Variants in PLXNA1 observed in about 807,000 individuals in gnomAD.
PLXNA1 encodes the protein plexin A1, also known as plexin-A1.
Under a neutral mutation model 191.7 loss-of-function variants are expected in PLXNA1, and 77 were observed. The ratio of observed to expected loss-of-function variants is 0.40; its 90% CI spans 0.33 to 0.49. The LOEUF (loss-of-function observed/expected upper bound fraction) is 0.49, where lower values mean the gene tolerates loss of function less well. Ranked by LOEUF, PLXNA1 falls within the 20% of genes least tolerant of loss-of-function variation. The probability of loss-of-function intolerance (pLI) is 0.63; values close to 1 mark genes in which losing one functional copy is unlikely to be tolerated. For synonymous variants in PLXNA1, 1,137 were observed against 1,156.4 expected (o/e 0.98, Z 0.34); for missense variants, 2,110 against 2,660.2 (o/e 0.79, Z 4.55).
intron 3 of PLXNA1, among the ~76,000 whole-genome samples, chr3:126,993,030 G>T (rs1293377584): frequency 1.3e-5 from 2 of 152,172 alleles, no homozygotes; most frequent in East Asian, 3.9e-4. Flanking sequence ...TACCCAGCCA[G>T]TGACCAGGTT....
At chr3:127,017,947 C>T in intron 19 of PLXNA1, 55 bp downstream of exon 19, 1 of 1,596,664 alleles carries the variant, frequency 6.3e-7, no homozygotes, top group Admixed American at 1.7e-5. Context: ...CACCTGTGGA[C>T]CCTGCCCCAC....
At chr3:127,003,529 C>T (rs545149285) in intron 4 of PLXNA1, 59 bp downstream of exon 4, 3 of 1,532,728 alleles carry the variant, frequency 2.0e-6, no homozygotes, top group South Asian at 2.5e-5. Flanking sequence ...TACCAGGAAC[C>T]CCAGTCACAG....
At chr3:127,025,079 A>G (rs2079170503) in intron 23 of PLXNA1, among the ~76,000 whole-genome samples, 1 of 152,044 alleles carries the variant, frequency 6.6e-6, no homozygotes, top group South Asian at 2.1e-4. Flanking sequence ...CATCTTCACC[A>G]CCCAGTGCCC....
At chr3:126,997,225 A>G (rs934080510) in intron 3 of PLXNA1, among the ~76,000 whole-genome samples, 2 of 152,202 alleles carry the variant, frequency 1.3e-5, no homozygotes, top group African/African-American at 4.8e-5. Context: ...TGTTGTAAGC[A>G]TGGCTGTGTG....
chr3:126,983,529 C>G (rs1388815511), intron 1 of PLXNA1, among the ~76,000 whole-genome samples: 2 of 146,454 alleles, frequency 1.4e-5, no homozygotes, highest in East Asian at 3.9e-4. Context: ...TGTCCGGGCG[C>G]GGTCGCGGCG....
At chr3:127,013,022 G>C (rs1051029233) in intron 10 of PLXNA1, among the ~76,000 whole-genome samples, 2 of 152,204 alleles carry the variant, frequency 1.3e-5, no homozygotes, top group African/African-American at 4.8e-5. Context: ...GCCTTGATGG[G>C]GTCAGAGGTC....
At chr3:127,011,443 G>A (rs1168209873) in intron 9 of PLXNA1, among the ~76,000 whole-genome samples, 1 of 152,214 alleles carries the variant, frequency 6.6e-6, no homozygotes, top group Admixed American at 6.5e-5. Context: ...CCTGTTTTCA[G>A]CATCCCTATT....
chr3:127,017,767 C>A lies in PLXNA1; in HGVS notation c.3535C>A (p.Pro1179Thr). 6.2e-7 allele frequency: 1 copy of A among 1,613,204 alleles called. No individual in the cohort carries two copies. Among genetic ancestry groups the A allele is most frequent in the Non-Finnish European group, 8.5e-7 (1 of 1,180,008 alleles). The change falls in exon 19 of 32, where the codon CCT (proline) becomes ACT (threonine). Residue 1179 changes from proline (P) to threonine (T), a missense_variant. This residue lies in a region of PLXNA1 where 644 missense variants were observed against 714.3 expected (regional missense o/e 0.90). Transcript: ENST00000393409. ...LILKGRNLLP[P>T]APGNSRLNYT... Reference sequence around the variant, plus strand: ...CCTACAGGGCCGGAACCTCTTGCCACCTGCACCCGGCAACTCCCGACTCAA... The same window carrying A: ...CCTACAGGGCCGGAACCTCTTGCCAACTGCACCCGGCAACTCCCGACTCAA...
chr3:127,022,416 C>T, intron 22 of PLXNA1, 75 bp downstream of exon 22: 2 of 1,541,054 alleles, frequency 1.3e-6, no homozygotes, highest in Non-Finnish European at 1.8e-6. Context: ...TCTAGCAGGC[C>T]CAGAGACGTT....
intron 4 of PLXNA1, among the ~76,000 whole-genome samples, 171 bp downstream of exon 4, chr3:127,003,641 T>C (rs1484658950): frequency 6.6e-6 from 1 of 152,162 alleles, no homozygotes; most frequent in Non-Finnish European, 1.5e-5. Context: ...ACTTGTGGGC[T>C]CGGCTGGGTC....
At position 126,989,552 on chromosome 3, in the gene PLXNA1, C is replaced by T. The variant is rs1174672021; in HGVS notation, c.959C>T (p.Pro320Leu). 6.2e-7 allele frequency: 1 copy of T among 1,613,190 alleles called. No individual in the cohort carries two copies. ...RLVQDAYLSR[P>L]GRALAHQLGL... ...GTGCAGGATGCCTACCTGAGCCGGC[C>T]CGGCCGTGCCCTGGCCCACCAGCTG... The change falls in exon 2 of 32, where the codon CCC becomes CTC. Residue 320 changes from proline to leucine, a missense_variant. Around this residue, in one of 4 missense-constraint regions of PLXNA1, gnomAD observed 903 missense variants for 1,015.7 expected, o/e 0.89. Coordinates refer to ENST00000393409, the MANE Select transcript of PLXNA1 (RefSeq NM_032242.4).
chr3:127,016,637 C>G lies in PLXNA1; in HGVS notation c.3135C>G (p.Thr1045=), dbSNP rs41266469. 6.2e-7 allele frequency: 1 copy of G among 1,614,010 alleles called. No individual in the cohort carries two copies. Among genetic ancestry groups the G allele is most frequent in the Non-Finnish European group, 8.5e-7 (1 of 1,179,950 alleles). ...LTNPEVKYNY[T]EDPTILRIDP... ...ACCCTGAGGTGAAGTACAACTACAC[C>G]GAGGACCCCACCATCCTGAGGATCG... Residue 1045 remains threonine, a synonymous_variant, in exon 16 of 32, where the codon ACC becomes ACG. Transcript: ENST00000393409.
Position 127,003,471 on chromosome 3 carries a change from G to A in PLXNA1, c.1518+1G>A. On this transcript the variant is annotated splice_donor_variant, in intron 4 of 31. Transcript: ENST00000393409. LOFTEE classifies it high-confidence loss of function. ...CCTCTACGCCATGACCGAGAAGCAG[G>A]TGGGTGCTGCACCAGTCAGACGGTG... is the stretch of plus-strand genomic sequence containing the variant. 6.2e-7 allele frequency: 1 copy of A among 1,608,494 alleles called. No individual in the cohort carries two copies. The highest frequency in any genetic ancestry group is 8.5e-7 in the Non-Finnish European group (1 of 1,176,878).
Position 126,987,538 on chromosome 3 carries a change from C to G in PLXNA1, c.-73-983C>G, listed in dbSNP as rs189919770. Among the ~76,000 whole-genome samples the G allele has an allele frequency of 6.9e-3, 1,050 of 151,884 alleles. 2 individuals carry two copies. The highest frequency in any genetic ancestry group is 0.012 in the Non-Finnish European group (793 of 67,940). On this transcript the variant is annotated intron_variant, in intron 1 of 31. Transcript: ENST00000393409. ...TGAGTGTGACCAGGAAGTGAGGGCC[C>G]GATGTGGAGCAAGGCAGGAGGGGGC...
intron 21 of PLXNA1, 102 bp from the exon 22 acceptor site, chr3:127,021,983 G>T: frequency 6.7e-7 from 1 of 1,486,926 alleles, no homozygotes. Context: ...TCCTCTGATG[G>T]GGCCCTGCCT....
At chr3:127,021,446 T>G (rs1357331985) in intron 21 of PLXNA1, among the ~76,000 whole-genome samples, 1 of 152,170 alleles carries the variant, frequency 6.6e-6, no homozygotes, top group Non-Finnish European at 1.5e-5. Flanking sequence ...AACCTTAGTA[T>G]GAACAAGAGA....
intron 2 of PLXNA1, among the ~76,000 whole-genome samples, chr3:126,990,995 C>T (rs556485602): frequency 1.3e-5 from 2 of 152,266 alleles, no homozygotes; most frequent in South Asian, 4.1e-4. Flanking sequence ...CTCCCCTGCT[C>T]CTTCCTCCTG....
chr3:127,018,993 A>G (rs1231499391), intron 20 of PLXNA1, among the ~76,000 whole-genome samples: 1 of 152,192 alleles, frequency 6.6e-6, no homozygotes, highest in East Asian at 1.9e-4. Flanking sequence ...CTGGGCACAT[A>G]GAGATCTTGG....
Position 127,014,028 on chromosome 3 carries a change from C to T in PLXNA1, c.2322C>T (p.Tyr774=), listed in dbSNP as rs147176760. The part of the protein sequence containing the change: ...SLQCQNSSYS[Y]EGNDVSDLPV... ...GTGCCATCACCTAACAGTACTCCTACGAGGGGAACGATGTCAGCGACCTGC... is the reference window on the plus strand; with the variant it reads ...GTGCCATCACCTAACAGTACTCCTATGAGGGGAACGATGTCAGCGACCTGC... Residue 774 remains tyrosine (Y), a synonymous_variant, in exon 11 of 32, where the codon TAC becomes TAT. Coordinates refer to ENST00000393409, the MANE Select transcript of PLXNA1 (RefSeq NM_032242.4). The T allele has an allele frequency of 3.5e-5, 57 of 1,613,680 alleles. 1 individual carries two copies. The South Asian group carries it at 4.2e-4, about 12-fold the overall frequency.
Sources: allele counts gnomAD v4.1 joint callset (sites outside exome capture counted in the v4.1 genomes callset), GRCh38; gene constraint gnomAD v4.1.1; regional missense constraint gnomAD v4.1.1; transcripts MANE v1.5; gene names NCBI Gene and HGNC (gene_info 2026-07-23, HGNC 2026-07-21).